EIF3E: variants seen among roughly 807,000 people sequenced by gnomAD.
EIF3E encodes the protein eIF-3 p48.
Under a neutral mutation model 59.3 loss-of-function variants are expected in EIF3E, and 25 were observed. That is an observed-to-expected ratio of 0.42 (90% confidence interval 0.31 to 0.59). EIF3E has a LOEUF of 0.59. EIF3E is among the 20% of genes least tolerant of loss of function. The pLI, the probability that EIF3E is intolerant of heterozygous loss-of-function variation, is 0.15. For synonymous variants in EIF3E, 176 were observed against 170.2 expected (o/e 1.03, Z -0.26); for missense variants, 317 against 534.3 (o/e 0.59, Z 4.01).
At chr8:108,232,195 A>T (rs1411207010) in intron 5 of EIF3E, among the ~76,000 whole-genome samples, 1 of 152,172 alleles carries the variant, frequency 6.6e-6, no homozygotes, top group Non-Finnish European at 1.5e-5. Context: ...AAAGAAAAAG[A>T]TATCTATTCT....
intron 7 of EIF3E, among the ~76,000 whole-genome samples, chr8:108,222,222 T>G (rs184792062): frequency 6.6e-6 from 1 of 152,154 alleles, no homozygotes; most frequent in African/African-American, 2.4e-5. Flanking sequence ...TCTAAAAAAA[T>G]GTTTTAGAGA....
intron 12 of EIF3E, 92 bp from the exon 13 acceptor site, chr8:108,202,015 G>T: frequency 8.3e-7 from 1 of 1,205,278 alleles, no homozygotes; most frequent in Admixed American, 2.8e-5. Context: ...ATTTACTTCA[G>T]CACTATAGTC....
chr8:108,248,625 GA>G lies in EIF3E; in HGVS notation c.77del (p.Leu26ProfsTer3). 6.2e-7 allele frequency: 1 copy of G among 1,614,052 alleles called. No homozygotes were observed. The highest frequency in any genetic ancestry group is 8.5e-7 in the Non-Finnish European group (1 of 1,179,980). On this transcript the variant is annotated frameshift_variant, in exon 1 of 13. Coordinates refer to ENST00000220849, the MANE Select transcript of EIF3E (RefSeq NM_001568.3). LOFTEE classifies it high-confidence loss of function. ...AAGACCCCCTCACCTCCTTTACAGA[GA>G]GAAATTCAAGAAGCGGAAAGACTAG... The part of the protein sequence containing the change: ...RHLVFPLLEF[L>X]SVKEIYNEKE...
chr8:108,239,692 G>A (rs1358891037), intron 3 of EIF3E, among the ~76,000 whole-genome samples: 1 of 152,082 alleles, frequency 6.6e-6, no homozygotes, highest in African/African-American at 2.4e-5. Context: ...CCCAGGAAGG[G>A]GGAAACAGGA....
At chr8:108,243,738 T>C (rs1815890406) in intron 1 of EIF3E, among the ~76,000 whole-genome samples, 1 of 151,912 alleles carries the variant, frequency 6.6e-6, no homozygotes, top group Admixed American at 6.6e-5. Flanking sequence ...GAAAAAAATA[T>C]GTATCATTGA....
chr8:108,214,322 C>T (rs1338662641), intron 10 of EIF3E, among the ~76,000 whole-genome samples: 2 of 152,092 alleles, frequency 1.3e-5, no homozygotes, highest in African/African-American at 2.4e-5. Flanking sequence ...TTTCTCCTTA[C>T]GTAAAGGTAC....
At chr8:108,207,145 T>C (rs928795837) in intron 10 of EIF3E, among the ~76,000 whole-genome samples, 2 of 152,188 alleles carry the variant, frequency 1.3e-5, no homozygotes, top group Admixed American at 6.5e-5. Context: ...TTAAAGAATG[T>C]AGAAATAATC....
Position 108,234,982 on chromosome 8 carries a change from ATGTACT to A in EIF3E, c.471+10_471+15del, listed in dbSNP as rs1815699930. The A allele has an allele frequency of 1.6e-6, 2 of 1,263,970 alleles. No individual in the cohort carries two copies. The highest frequency in any genetic ancestry group is 2.2e-6 in the Non-Finnish European group (2 of 908,120). The allele number at this position is 1,263,970 out of a possible 1,614,324, so 78.3% of individuals were successfully genotyped here. The stretch of plus-strand genomic sequence containing the variant: ...AGACAAAAAAAAAAAAAAAAAAAAC[ATGTACT>A]TATACTTACCAGCACTCTAAAAAAA... On this transcript the variant is annotated intron_variant, in intron 5 of 12. Transcript: ENST00000220849.
chr8:108,242,717 G>C, intron 1 of EIF3E: 1 of 1,013,286 alleles, frequency 9.9e-7, no homozygotes, highest in Non-Finnish European at 1.2e-6. Flanking sequence ...AGACAAGACA[G>C]ACCTTGCAAT....
At chr8:108,248,359 C>G (rs369560755) in intron 1 of EIF3E, among the ~76,000 whole-genome samples, 3 of 152,166 alleles carry the variant, frequency 2.0e-5, no homozygotes, top group East Asian at 1.9e-4. Context: ...AAAATCCCTC[C>G]CGCACTGACA....
chr8:108,216,330 A>T, intron 9 of EIF3E, 82 bp downstream of exon 9: 1 of 1,019,664 alleles, frequency 9.8e-7, no homozygotes, highest in Non-Finnish European at 1.5e-6. Context: ...TCATTACTTT[A>T]AGGAAGACAC....
chr8:108,211,419 C>T (rs192968756), intron 10 of EIF3E, among the ~76,000 whole-genome samples: 2,971 of 152,164 alleles, frequency 0.02, 45 homozygotes, highest in Non-Finnish European at 0.031. Flanking sequence ...CTGTTCATAT[C>T]CTTTGCCCAC....
At chr8:108,227,533 T>A (rs1435426145) in intron 7 of EIF3E, 1 of 152,198 alleles carries the variant, frequency 6.6e-6, no homozygotes, top group Non-Finnish European at 1.5e-5. Flanking sequence ...ACATCTAGAT[T>A]GTAAGAATAT....
At chr8:108,216,347 A>G (rs1815305451) in intron 9 of EIF3E, 65 bp downstream of exon 9, 2 of 1,208,142 alleles carry the variant, frequency 1.7e-6, no homozygotes, top group African/African-American at 3.1e-5. Context: ...ACACTGCAAG[A>G]TTAACGTTAC....
At chr8:108,210,779 A>G (rs199990997) in intron 10 of EIF3E, among the ~76,000 whole-genome samples, 1 of 149,066 alleles carries the variant, frequency 6.7e-6, no homozygotes, top group East Asian at 2.0e-4. Context: ...CCGGTGTGTG[A>G]TGTTCCCCAC....
intron 1 of EIF3E, among the ~76,000 whole-genome samples, chr8:108,243,717 C>T (rs1354029875): frequency 2.7e-5 from 4 of 149,766 alleles, no homozygotes; most frequent in African/African-American, 4.9e-5. Context: ...AATGTATTCG[C>T]TATTCATTTT....
chr8:108,209,980 T>G (rs1294818609), intron 10 of EIF3E, among the ~76,000 whole-genome samples: 3 of 151,958 alleles, frequency 2.0e-5, no homozygotes, highest in African/African-American at 7.2e-5. Context: ...GTAAAGGACA[T>G]AGGGGGTCTT....
chr8:108,223,868 A>T (rs1410455106), intron 7 of EIF3E, among the ~76,000 whole-genome samples: 1 of 151,394 alleles, frequency 6.6e-6, no homozygotes, highest in African/African-American at 2.5e-5. Context: ...CTGGTATCTA[A>T]ACTTTCATTT....
intron 10 of EIF3E, among the ~76,000 whole-genome samples, chr8:108,211,007 T>G (rs182829267): frequency 6.6e-6 from 1 of 152,188 alleles, no homozygotes; most frequent in African/African-American, 2.4e-5. Context: ...TGATGAACAT[T>G]TGGGTCGGTT....
Sources: gnomAD v4.1 joint callset for allele counts (sites outside exome capture counted in the v4.1 genomes callset) on GRCh38, gnomAD v4.1.1 for gene constraint, MANE v1.5 for transcripts, NCBI Gene and HGNC (gene_info 2026-07-23, HGNC 2026-07-21) for gene names.